The following EYS variants were observed in gnomAD, a reference collection of about 807,000 sequenced individuals.
EYS encodes protein eyes shut homolog.
A neutral mutation model predicts 282.1 loss-of-function variants in EYS; 250 were observed. That is an observed-to-expected ratio of 0.89 (90% CI 0.80 to 0.98). The LOEUF (loss-of-function observed/expected upper bound fraction) is 0.98, where lower values mean the gene tolerates loss of function less well. Ranked by LOEUF, EYS falls within the 50% of genes least tolerant of loss-of-function variation. EYS has a pLI of 0.00. For missense variants in EYS, 4,016 were observed against 3,709.0 expected, an observed-to-expected ratio of 1.08 and a Z score of -2.15; for synonymous variants, 1,355 against 1,282.9, an observed-to-expected ratio of 1.06 and a Z score of -1.20.
chr6:65,611,689 AT>A (rs1359837579), intron 2 of EYS, among the ~76,000 whole-genome samples: 1 of 152,114 alleles, frequency 6.6e-6, no homozygotes, highest in Non-Finnish European at 1.5e-5. Context: ...TTATCGCAAG[AT>A]TTCTATACCT....
chr6:65,690,547 C>T (rs775542611), intron 1 of EYS, among the ~76,000 whole-genome samples: 5 of 149,462 alleles, frequency 3.3e-5, no homozygotes, highest in African/African-American at 9.7e-5. Context: ...AAGCACATCA[C>T]GCGCTGTTGG....
At chr6:64,340,764 TAAAC>T (rs1385710749) in intron 29 of EYS, among the ~76,000 whole-genome samples, 6 of 151,244 alleles carry the variant, frequency 4.0e-5, no homozygotes, top group African/African-American at 1.2e-4. Context: ...AACAAAATGA[TAAAC>T]AAAGTAAATA....
rs143122312 is a variant in EYS, at chr6:65,633,818, C to T, written c.-333+5960G>A. Among the ~76,000 whole-genome samples, 67 of 152,312 alleles carry T rather than the reference C, an allele frequency of 4.4e-4. 1 individual carries two copies. The East Asian group carries it at 0.012, about 28-fold the overall frequency. ...TTTGTAAATAAAGTTTATTAAAACA[C>T]AACCACAGTCATTCATTTACATATT... On this transcript the variant is annotated intron_variant, in intron 2 of 42. Coordinates refer to ENST00000503581, the MANE Select transcript of EYS (RefSeq NM_001142800.2).
At chr6:64,544,405 G>A (rs1410564612) in intron 26 of EYS, among the ~76,000 whole-genome samples, 1 of 152,108 alleles carries the variant, frequency 6.6e-6, no homozygotes, top group African/African-American at 2.4e-5. Context: ...ACACAGTAAA[G>A]GAACATACAT....
intron 40 of EYS, among the ~76,000 whole-genome samples, chr6:63,770,507 G>A (rs1025472315): frequency 1.1e-4 from 16 of 151,992 alleles, no homozygotes; most frequent in Non-Finnish European, 1.9e-4. Flanking sequence ...TATAATAAAC[G>A]CATGTAATTT....
intron 12 of EYS, among the ~76,000 whole-genome samples, chr6:65,275,283 G>A (rs768958019): frequency 3.3e-5 from 5 of 152,134 alleles, no homozygotes; most frequent in Non-Finnish European, 5.9e-5. Flanking sequence ...GACCTTAGTC[G>A]GAACTGAATT....
intron 22 of EYS, among the ~76,000 whole-genome samples, chr6:64,793,443 G>C (rs1774253275): frequency 6.6e-6 from 1 of 151,996 alleles, no homozygotes; most frequent in Non-Finnish European, 1.5e-5. Context: ...GTAATAGTAG[G>C]GAATGTAAAA....
At chr6:65,283,347 C>T (rs1009466168) in intron 12 of EYS, among the ~76,000 whole-genome samples, 5 of 151,684 alleles carry the variant, frequency 3.3e-5, no homozygotes, top group African/African-American at 9.7e-5. Flanking sequence ...TTTATAATTC[C>T]AAATGATAAT....
chr6:65,123,758 CCA>C (rs34701707), intron 12 of EYS, among the ~76,000 whole-genome samples: 3,163 of 146,794 alleles, frequency 0.022, 107 homozygotes, highest in African/African-American at 0.07. Flanking sequence ...ACCCACCCAC[CCA>C]CACACACACA....
intron 14 of EYS, among the ~76,000 whole-genome samples, chr6:64,978,355 C>T (rs1364270292): frequency 1.3e-5 from 2 of 151,938 alleles, no homozygotes; most frequent in Non-Finnish European, 2.9e-5. Context: ...CTGTTTACAG[C>T]ATGGCTTACT....
At chr6:65,353,743 T>G in intron 8 of EYS, 126 bp from the exon 9 acceptor site, 1 of 695,650 alleles carries the variant, frequency 1.4e-6, no homozygotes, top group Non-Finnish European at 2.5e-6. Context: ...GGACACACTT[T>G]TTATACTTCT....
At chr6:64,568,650 T>C (rs1324551163) in intron 26 of EYS, among the ~76,000 whole-genome samples, 1 of 152,062 alleles carries the variant, frequency 6.6e-6, no homozygotes, top group Non-Finnish European at 1.5e-5. Context: ...GACTGCCTGC[T>C]CAAGTGGGTC....
intron 26 of EYS, among the ~76,000 whole-genome samples, chr6:64,539,077 A>T (rs980515608): frequency 2.6e-5 from 4 of 152,164 alleles, no homozygotes; most frequent in African/African-American, 9.7e-5. Flanking sequence ...GGCTTATTTC[A>T]CTTAGCATAA....
At chr6:64,461,612 C>G (rs1256225330) in intron 26 of EYS, among the ~76,000 whole-genome samples, 1 of 152,104 alleles carries the variant, frequency 6.6e-6, no homozygotes, top group Non-Finnish European at 1.5e-5. Flanking sequence ...TTTCTTTATA[C>G]TCCAGTGACT....
At chr6:65,646,799 C>T (rs1226963967) in intron 1 of EYS, among the ~76,000 whole-genome samples, 1 of 152,186 alleles carries the variant, frequency 6.6e-6, no homozygotes, top group African/African-American at 2.4e-5. Flanking sequence ...GCTCCTAGAA[C>T]TGATGAATGA....
At chr6:64,799,011 C>T (rs1774451279) in intron 22 of EYS, among the ~76,000 whole-genome samples, 1 of 151,838 alleles carries the variant, frequency 6.6e-6, no homozygotes, top group African/African-American at 2.4e-5. Flanking sequence ...AGATAAACCT[C>T]TCCCAAAAAT....
intron 29 of EYS, among the ~76,000 whole-genome samples, chr6:64,366,833 G>T (rs1772199114): frequency 6.6e-6 from 1 of 152,010 alleles, no homozygotes; most frequent in African/African-American, 2.4e-5. Context: ...GAAAGTGCTT[G>T]CTCTTTTTAG....
intron 2 of EYS, among the ~76,000 whole-genome samples, chr6:65,502,886 A>G (rs751432752): frequency 3.3e-5 from 5 of 151,694 alleles, no homozygotes; most frequent in Non-Finnish European, 5.9e-5. Context: ...ATCACATCAT[A>G]TGGTATATAA....
At chr6:64,744,400 A>C (rs1348590660) in intron 22 of EYS, among the ~76,000 whole-genome samples, 4 of 152,164 alleles carry the variant, frequency 2.6e-5, no homozygotes, top group Non-Finnish European at 5.9e-5. Flanking sequence ...TGTATTCAAG[A>C]GACCCAATCA....
Sources: gnomAD v4.1 joint callset for allele counts (sites outside exome capture counted in the v4.1 genomes callset) on GRCh38, gnomAD v4.1.1 for gene constraint, MANE v1.5 for transcripts, NCBI Gene and HGNC (gene_info 2026-07-23, HGNC 2026-07-21) for gene names.